The following PCDHA10 variants were observed in gnomAD, a reference collection of about 807,000 sequenced individuals.
The protein encoded by PCDHA10 is protocadherin alpha-10.
PCDHA10 carries 45 observed loss-of-function variants against 61.2 expected under a neutral mutation model. That is an observed-to-expected ratio of 0.74 (90% confidence interval 0.58 to 0.94). PCDHA10 has a LOEUF of 0.94. Ranked by LOEUF, PCDHA10 falls within the 40% of genes least tolerant of loss-of-function variation. The pLI, the probability that PCDHA10 is intolerant of heterozygous loss-of-function variation, is 0.00. For synonymous variants in PCDHA10, 602 were observed against 548.8 expected (o/e 1.10, Z -1.35); for missense variants, 1,278 against 1,236.2 (o/e 1.03, Z -0.51).
At chr5:140,982,671 G>T in intron 3 of PCDHA10, 108 bp downstream of exon 3, 1 of 1,454,062 alleles carries the variant, frequency 6.9e-7, no homozygotes, top group South Asian at 1.4e-5. Context: ...TTATATTTTT[G>T]TTATTCCCTT....
intron 1 of PCDHA10, chr5:140,927,924 T>C: frequency 1.2e-6 from 2 of 1,614,204 alleles, no homozygotes; most frequent in Non-Finnish European, 1.7e-6. Context: ...ACTTCCTGAC[T>C]CTTTCGAACC....
chr5:140,903,172 C>T (rs2070066511), intron 1 of PCDHA10, among the ~76,000 whole-genome samples: 1 of 152,152 alleles, frequency 6.6e-6, no homozygotes, highest in Non-Finnish European at 1.5e-5. Flanking sequence ...GGTTTACATT[C>T]CCACCAATAG....
intron 1 of PCDHA10, among the ~76,000 whole-genome samples, chr5:140,881,757 A>T (rs1238055344): frequency 6.6e-6 from 1 of 152,166 alleles, no homozygotes; most frequent in African/African-American, 2.4e-5. Flanking sequence ...TACCACAAAA[A>T]CCTACATGAC....
chr5:140,974,456 A>G (rs957426015), intron 1 of PCDHA10, among the ~76,000 whole-genome samples: 2 of 152,230 alleles, frequency 1.3e-5, no homozygotes, highest in Non-Finnish European at 2.9e-5. Context: ...AAATGACTAC[A>G]TTCAGAGGAA....
chr5:140,884,699 C>A, intron 1 of PCDHA10: 3 of 1,500,334 alleles, frequency 2.0e-6, no homozygotes, highest in Non-Finnish European at 2.7e-6. Context: ...TTAGTAAACA[C>A]TTTAGCCTTC....
intron 1 of PCDHA10, among the ~76,000 whole-genome samples, chr5:140,978,103 A>G (rs2096789005): frequency 6.6e-6 from 1 of 152,106 alleles, no homozygotes; most frequent in South Asian, 2.1e-4. Flanking sequence ...AACTCCCCCA[A>G]CAGTCTTTAA....
chr5:140,898,358 A>T (rs2153460143), intron 1 of PCDHA10, among the ~76,000 whole-genome samples: 1 of 152,260 alleles, frequency 6.6e-6, no homozygotes, highest in Non-Finnish European at 1.5e-5. Flanking sequence ...TCTTGAATTA[A>T]TTTTTGTATA....
At chr5:140,932,059 AT>A (rs2087988463) in intron 1 of PCDHA10, among the ~76,000 whole-genome samples, 1 of 151,936 alleles carries the variant, frequency 6.6e-6, no homozygotes, top group Non-Finnish European at 1.5e-5. Context: ...AATACTAAAA[AT>A]TATCAGTTTA....
intron 1 of PCDHA10, chr5:140,930,355 C>G (rs1044171600): frequency 6.6e-6 from 1 of 151,448 alleles, no homozygotes; most frequent in Non-Finnish European, 1.5e-5. Context: ...TCAAATATTT[C>G]AATTTATCTG....
intron 1 of PCDHA10, among the ~76,000 whole-genome samples, chr5:140,940,729 C>G (rs545285188): frequency 8.9e-4 from 136 of 152,326 alleles, no homozygotes; most frequent in African/African-American, 3.2e-3. Context: ...TTCAGCTGGA[C>G]AGCTCCATAT....
At chr5:140,876,653 C>G in intron 1 of PCDHA10, 1 of 1,614,200 alleles carries the variant, frequency 6.2e-7, no homozygotes, top group Non-Finnish European at 8.5e-7. Flanking sequence ...CCTCATGTTC[C>G]CTTCAAGCTG....
chr5:140,902,290 A>G (rs1252691615), intron 1 of PCDHA10, among the ~76,000 whole-genome samples: 1 of 146,394 alleles, frequency 6.8e-6, no homozygotes, highest in Non-Finnish European at 1.5e-5. Context: ...CTCCTGCCTC[A>G]GCCTCCCAAA....
In PCDHA10 at chr5:140,870,004, G is replaced by T. The variant is rs374513388; in HGVS notation, c.2388+11568G>T. 129 of 1,613,494 alleles carry T rather than the reference G, an allele frequency of 8.0e-5. No homozygotes were observed. Among genetic ancestry groups the T allele is most frequent in the Non-Finnish European group, 1.1e-4 (126 of 1,179,842 alleles). The stretch of plus-strand genomic sequence containing the variant: ...TACACTAGATCAAAATAATGGAGAA[G>T]TGAGGGTCAATGGAACTTTAGATTA... On this transcript the variant is annotated intron_variant, in intron 1 of 3. Coordinates refer to ENST00000307360, the MANE Select transcript of PCDHA10 (RefSeq NM_018901.4).
chr5:140,871,665 C>G, intron 1 of PCDHA10: 1 of 1,187,684 alleles, frequency 8.4e-7, no homozygotes, highest in African/African-American at 1.5e-5. Flanking sequence ...CATCTTCAGT[C>G]TTTTAATCAT....
At chr5:140,870,034 G>GA in intron 1 of PCDHA10, 6 of 1,613,690 alleles carry the variant, frequency 3.7e-6, no homozygotes, top group Non-Finnish European at 5.1e-6. Flanking sequence ...AGATTATGAA[G>GA]AAAACAAGTT....
At chr5:140,875,103 A>ACTAATATCATG (rs2055275043) in intron 1 of PCDHA10, among the ~76,000 whole-genome samples, 2 of 152,340 alleles carry the variant, frequency 1.3e-5, no homozygotes, top group African/African-American at 4.8e-5. Context: ...ATGTTTTGTT[A>ACTAATATCATG]CTAATATCAT....
chr5:140,870,658 C>G, intron 1 of PCDHA10: 3 of 1,612,534 alleles, frequency 1.9e-6, no homozygotes, highest in Non-Finnish European at 2.5e-6. Context: ...GGTGTACGCG[C>G]TGCAGCCGTT....
intron 1 of PCDHA10, chr5:140,882,695 G>T: frequency 6.2e-7 from 1 of 1,614,192 alleles, no homozygotes; most frequent in Non-Finnish European, 8.5e-7. Flanking sequence ...AATAATCATT[G>T]CAGAATCTAG....
intron 1 of PCDHA10, among the ~76,000 whole-genome samples, chr5:140,873,139 A>G (rs1325307438): frequency 6.6e-6 from 1 of 152,216 alleles, no homozygotes; most frequent in Non-Finnish European, 1.5e-5. Context: ...TCTATGCTGA[A>G]GCCTATTCAT....
Sources: gnomAD v4.1 joint callset for allele counts (sites outside exome capture counted in the v4.1 genomes callset) on GRCh38, gnomAD v4.1.1 for gene constraint, MANE v1.5 for transcripts, NCBI Gene and HGNC (gene_info 2026-07-23, HGNC 2026-07-21) for gene names.